MAGI2: variants seen among roughly 807,000 people sequenced by gnomAD.
MAGI2 encodes the protein membrane associated guanylate kinase, WW and PDZ domain containing 2, also known as membrane-associated guanylate kinase, WW and PDZ domain-containing protein 2.
In MAGI2, 35 loss-of-function variants were observed where a neutral mutation model predicts 133.3. The ratio of observed to expected loss-of-function variants is 0.26; its 90% CI spans 0.20 to 0.35. The LOEUF is 0.35. Among genes scored for constraint, MAGI2 ranks in the 10% least tolerant of loss-of-function variants. The pLI is 1.00. For missense variants in MAGI2, 1,636 were observed against 1,863.4 expected (o/e 0.88, Z 2.25); for synonymous variants, 729 against 710.6 (o/e 1.03, Z -0.41).
chr7:78,366,284 T>C (rs181664038), intron 7 of MAGI2, among the ~76,000 whole-genome samples: 44 of 152,290 alleles, frequency 2.9e-4, no homozygotes, highest in Non-Finnish European at 5.6e-4. Context: ...TCACTATAAT[T>C]ATGAATGGAA....
intron 6 of MAGI2, among the ~76,000 whole-genome samples, chr7:78,410,684 C>T (rs1455785933): frequency 6.6e-6 from 1 of 151,662 alleles, no homozygotes; most frequent in African/African-American, 2.4e-5. Flanking sequence ...TTAAAATACA[C>T]AGGATGCAAA....
intron 6 of MAGI2, among the ~76,000 whole-genome samples, chr7:78,407,307 T>G (rs569292279): frequency 1.3e-5 from 2 of 152,132 alleles, no homozygotes; most frequent in South Asian, 4.1e-4. Context: ...GCGTGCTTAG[T>G]GAAAACAGCT....
intron 6 of MAGI2, among the ~76,000 whole-genome samples, chr7:78,477,672 G>A (rs559570834): frequency 7.2e-5 from 11 of 151,942 alleles, no homozygotes; most frequent in African/African-American, 1.9e-4. Flanking sequence ...AGGGGAAACC[G>A]CCCCCATGAC....
chr7:78,131,173 G>T (rs1224644514), intron 18 of MAGI2, among the ~76,000 whole-genome samples: 1 of 152,212 alleles, frequency 6.6e-6, no homozygotes, highest in East Asian at 1.9e-4. Flanking sequence ...GCAATCTGTT[G>T]AAGTGATAGA....
intron 1 of MAGI2, among the ~76,000 whole-genome samples, chr7:79,402,894 G>T (rs1454631176): frequency 6.6e-6 from 1 of 152,148 alleles, no homozygotes. Flanking sequence ...AGAATGGCTT[G>T]TTCAAACTTT....
chr7:79,314,298 G>A (rs887663998), intron 1 of MAGI2, among the ~76,000 whole-genome samples: 10 of 151,752 alleles, frequency 6.6e-5, no homozygotes, highest in Non-Finnish European at 1.0e-4. Flanking sequence ...TTGTAGAGAC[G>A]GGGTTTCACC....
At chr7:78,398,332 C>A (rs1166024479) in intron 6 of MAGI2, among the ~76,000 whole-genome samples, 1 of 152,060 alleles carries the variant, frequency 6.6e-6, no homozygotes, top group African/African-American at 2.4e-5. Context: ...GAAATTGCAC[C>A]TCTCAACTTG....
At chr7:78,886,506 C>T (rs1170756096) in intron 2 of MAGI2, among the ~76,000 whole-genome samples, 1 of 152,160 alleles carries the variant, frequency 6.6e-6, no homozygotes, top group African/African-American at 2.4e-5. Flanking sequence ...TGTGCTGAGC[C>T]ATGTCTCCAC....
At chr7:78,525,844 C>A (rs1187757756) in intron 3 of MAGI2, among the ~76,000 whole-genome samples, 1 of 152,196 alleles carries the variant, frequency 6.6e-6, no homozygotes, top group East Asian at 1.9e-4. Flanking sequence ...AACGTGCTAA[C>A]CTGCACACCG....
chr7:78,116,194 A>G (rs978632859), intron 20 of MAGI2, among the ~76,000 whole-genome samples: 2 of 152,224 alleles, frequency 1.3e-5, no homozygotes, highest in Admixed American at 6.5e-5. Flanking sequence ...AAAAAACAAA[A>G]ACACCTTCTA....
intron 6 of MAGI2, among the ~76,000 whole-genome samples, chr7:78,370,670 G>T (rs966031265): frequency 6.6e-6 from 1 of 151,740 alleles, no homozygotes; most frequent in Non-Finnish European, 1.5e-5. Flanking sequence ...TTGTTTCTCT[G>T]TACCATCAAA....
intron 14 of MAGI2, among the ~76,000 whole-genome samples, chr7:78,175,371 G>A (rs1826491234): frequency 6.6e-6 from 1 of 152,172 alleles, no homozygotes; most frequent in Admixed American, 6.5e-5. Context: ...AAAACCCACA[G>A]TAGGCTGCTT....
chr7:78,303,121 T>C (rs1797974441), intron 9 of MAGI2, among the ~76,000 whole-genome samples: 2 of 152,112 alleles, frequency 1.3e-5, no homozygotes, highest in Non-Finnish European at 2.9e-5. Flanking sequence ...CTCATGCCTG[T>C]AGTCCCAGCA....
chr7:78,421,273 C>A (rs1798772688), intron 6 of MAGI2, among the ~76,000 whole-genome samples: 1 of 152,118 alleles, frequency 6.6e-6, no homozygotes, highest in Non-Finnish European at 1.5e-5. Flanking sequence ...CACTGAACAC[C>A]TTTATGTAAC....
intron 5 of MAGI2, among the ~76,000 whole-genome samples, chr7:78,497,265 C>T (rs1167921232): frequency 2.6e-5 from 4 of 152,118 alleles, no homozygotes; most frequent in Admixed American, 1.3e-4. Context: ...TATTTTAAAG[C>T]ATGTTTGGAA....
At chr7:78,195,096 G>T in intron 11 of MAGI2, 33 bp from the exon 12 acceptor site, 1 of 1,525,748 alleles carries the variant, frequency 6.6e-7, no homozygotes, top group South Asian at 1.3e-5. Flanking sequence ...GAAAATGACT[G>T]ACAAATTCTT....
intron 1 of MAGI2, among the ~76,000 whole-genome samples, chr7:79,417,491 T>A (rs1846616702): frequency 6.6e-6 from 1 of 152,094 alleles, no homozygotes; most frequent in African/African-American, 2.4e-5. Flanking sequence ...AAGACCAAAG[T>A]TCCTTGGGAA....
chr7:79,042,115 C>T (rs2116914413), intron 1 of MAGI2, among the ~76,000 whole-genome samples: 1 of 152,218 alleles, frequency 6.6e-6, no homozygotes, highest in African/African-American at 2.4e-5. Context: ...GACTTGCATT[C>T]ACAATTATAA....
intron 9 of MAGI2, among the ~76,000 whole-genome samples, chr7:78,304,377 C>T (rs972829800): frequency 1.3e-5 from 2 of 152,184 alleles, no homozygotes; most frequent in Admixed American, 1.3e-4. Context: ...GCCTGGAAAG[C>T]TCTTTCCTCT....
Sources: gnomAD v4.1 joint callset for allele counts (sites outside exome capture counted in the v4.1 genomes callset) on GRCh38, gnomAD v4.1.1 for gene constraint, MANE v1.5 for transcripts, NCBI Gene and HGNC (gene_info 2026-07-23, HGNC 2026-07-21) for gene names.